The following ASIC2 variants were observed in gnomAD, a reference collection of about 807,000 sequenced individuals.
ASIC2 encodes the protein acid-sensing ion channel 2.
A neutral mutation model predicts 57.3 loss-of-function variants in ASIC2; 25 were observed. That is an observed-to-expected ratio of 0.44 (90% CI 0.32 to 0.61). ASIC2 has a LOEUF of 0.61. Ranked by LOEUF, ASIC2 falls within the 20% of genes least tolerant of loss-of-function variation. The pLI, the probability that ASIC2 is intolerant of heterozygous loss-of-function variation, is 0.06. For missense variants in ASIC2, 641 were observed against 738.1 expected, an observed-to-expected ratio of 0.87 and a Z score of 1.52; for synonymous variants, 319 against 307.5, an observed-to-expected ratio of 1.04 and a Z score of -0.39.
chr17:33,577,601 G>A (rs1057385033), intron 1 of ASIC2, among the ~76,000 whole-genome samples: 1 of 152,164 alleles, frequency 6.6e-6, no homozygotes, highest in Non-Finnish European at 1.5e-5. Flanking sequence ...CCTGGAATGA[G>A]CATTCTTACC....
chr17:33,797,770 A>C (rs1387397022), intron 1 of ASIC2, among the ~76,000 whole-genome samples: 1 of 152,196 alleles, frequency 6.6e-6, no homozygotes. Flanking sequence ...AAATGTGGGC[A>C]TGTTCCGCGT....
intron 1 of ASIC2, among the ~76,000 whole-genome samples, chr17:34,109,347 C>A (rs925776191): frequency 2.6e-5 from 4 of 152,098 alleles, no homozygotes; most frequent in African/African-American, 9.7e-5. Flanking sequence ...TGCTTCTGGG[C>A]TGCCACTTGG....
intron 1 of ASIC2, among the ~76,000 whole-genome samples, chr17:33,435,632 G>T (rs1911585289): frequency 6.6e-6 from 1 of 152,170 alleles, no homozygotes; most frequent in South Asian, 2.1e-4. Context: ...CATTTATTCT[G>T]CCTTTCCTGT....
chr17:33,350,744 C>T (rs1028550857), intron 1 of ASIC2, among the ~76,000 whole-genome samples: 2 of 127,862 alleles, frequency 1.6e-5, no homozygotes, highest in African/African-American at 3.5e-5. Context: ...CTCTGCATCT[C>T]AGGACCTCAG....
chr17:33,767,369 T>A (rs1475642971), intron 1 of ASIC2, among the ~76,000 whole-genome samples: 4 of 152,346 alleles, frequency 2.6e-5, no homozygotes, highest in Admixed American at 2.0e-4. Context: ...TGTGTGTGTG[T>A]GAGACACGGT....
chr17:34,155,822 C>T (rs887411932), intron 1 of ASIC2: 8 of 788,940 alleles, frequency 1.0e-5, no homozygotes, highest in East Asian at 5.4e-5. Flanking sequence ...GCAACCAGCT[C>T]GCACAACTCT....
chr17:33,450,418 A>G (rs1304654571), intron 1 of ASIC2, among the ~76,000 whole-genome samples: 4 of 152,036 alleles, frequency 2.6e-5, no homozygotes. Flanking sequence ...TTCTCTTTCC[A>G]CTTTTCACTG....
chr17:34,004,037 C>T (rs776085399), intron 1 of ASIC2: 2 of 152,190 alleles, frequency 1.3e-5, no homozygotes, highest in Non-Finnish European at 2.9e-5. Context: ...GAGTGCCTTC[C>T]TGAAAGACCT....
At chr17:33,347,356 G>A (rs1009179524) in intron 1 of ASIC2, among the ~76,000 whole-genome samples, 4 of 152,152 alleles carry the variant, frequency 2.6e-5, no homozygotes, top group African/African-American at 9.7e-5. Flanking sequence ...TTGGGGGAAG[G>A]GTGCAGGAGT....
intron 1 of ASIC2, among the ~76,000 whole-genome samples, chr17:33,201,264 AG>A (rs969003169): frequency 7.2e-5 from 11 of 152,198 alleles, no homozygotes; most frequent in Admixed American, 3.3e-4. Context: ...GATCCACAGT[AG>A]GTGGTCCATT....
intron 1 of ASIC2, among the ~76,000 whole-genome samples, chr17:33,304,839 C>G (rs1227573795): frequency 6.6e-6 from 1 of 151,958 alleles, no homozygotes; most frequent in Non-Finnish European, 1.5e-5. Flanking sequence ...GCCGTCTGTT[C>G]TTAGTCTCCG....
chr17:33,655,580 ATC>A (rs1204041454), intron 1 of ASIC2, among the ~76,000 whole-genome samples: 1 of 152,128 alleles, frequency 6.6e-6, no homozygotes, highest in Admixed American at 6.5e-5. Context: ...TAACAACTCC[ATC>A]TGAACATTCT....
chr17:33,398,162 G>C (rs1232852232), intron 1 of ASIC2, among the ~76,000 whole-genome samples: 1 of 152,148 alleles, frequency 6.6e-6, no homozygotes, highest in Non-Finnish European at 1.5e-5. Context: ...TATATACTGT[G>C]TGTATTCTTT....
intron 1 of ASIC2, among the ~76,000 whole-genome samples, chr17:33,415,538 G>C (rs1910813259): frequency 6.6e-6 from 1 of 151,956 alleles, no homozygotes; most frequent in Admixed American, 6.6e-5. Flanking sequence ...TTCTGAGAGA[G>C]AGAGAGAATT....
intron 1 of ASIC2, among the ~76,000 whole-genome samples, chr17:33,864,227 G>A (rs1914174622): frequency 6.6e-6 from 1 of 152,056 alleles, no homozygotes; most frequent in Admixed American, 6.6e-5. Flanking sequence ...TTTTTATGGT[G>A]AATGATAATA....
rs113114051 is a variant in ASIC2, at chr17:33,701,093, A to G, written c.555+454885T>C. Among the ~76,000 whole-genome samples the G allele has an allele frequency of 1.0e-3, 152 of 152,296 alleles. 2 individuals are homozygous for G. The highest frequency in any genetic ancestry group is 3.5e-3 in the African/African-American group (146 of 41,560). The stretch of plus-strand genomic sequence containing the variant: ...ATTTTGATGTACAGTTCCCAAAGAG[A>G]TCAGTCTACTCTGACTTAGAACACA... On this transcript the variant is annotated intron_variant, in intron 1 of 9. Transcript: ENST00000359872.
At chr17:33,238,615 T>C (rs1030360383) in intron 1 of ASIC2, among the ~76,000 whole-genome samples, 1 of 152,226 alleles carries the variant, frequency 6.6e-6, no homozygotes, top group Non-Finnish European at 1.5e-5. Context: ...TTCCCTGTTG[T>C]TGCTGAACAC....
intron 3 of ASIC2, among the ~76,000 whole-genome samples, chr17:33,082,609 G>T (rs909615769): frequency 2.6e-5 from 4 of 152,144 alleles, no homozygotes; most frequent in African/African-American, 9.7e-5. Context: ...TGAGGCACGA[G>T]ATTTGCTTGA....
intron 1 of ASIC2, among the ~76,000 whole-genome samples, chr17:33,603,749 T>A (rs1374574329): frequency 2.0e-5 from 3 of 152,138 alleles, no homozygotes; most frequent in Non-Finnish European, 4.4e-5. Flanking sequence ...AAAGATAAAC[T>A]CCTAGATTTC....
Sources: allele counts gnomAD v4.1 joint callset (sites outside exome capture counted in the v4.1 genomes callset), GRCh38; gene constraint gnomAD v4.1.1; transcripts MANE v1.5; gene names NCBI Gene and HGNC (gene_info 2026-07-23, HGNC 2026-07-21).